Variants in HS6ST2 observed in about 807,000 individuals in gnomAD.
HS6ST2 encodes heparan sulfate 6-O-sulfotransferase 2.
A neutral mutation model predicts 33.0 loss-of-function variants in HS6ST2; 17 were observed. That is an observed-to-expected ratio of 0.52 (90% CI 0.35 to 0.77). The LOEUF (loss-of-function observed/expected upper bound fraction) is 0.77. Among genes scored for constraint, HS6ST2 ranks in the 30% least tolerant of loss-of-function variants. HS6ST2 has a pLI of 0.01. For synonymous variants in HS6ST2, 248 were observed against 237.1 expected, an observed-to-expected ratio of 1.05 and a Z score of -0.42; for missense variants, 519 against 551.7, an observed-to-expected ratio of 0.94 and a Z score of 0.59.
chrX:132,641,779 GCACAGCCTCAGGAGT>G lies in HS6ST2; in HGVS notation c.1068-12701_1068-12687del, dbSNP rs752836177. Among the ~76,000 whole-genome samples the G allele has an allele frequency of 6.1e-3, 692 of 113,177 alleles. 4 individuals carry two copies. Among genetic ancestry groups the G allele is most frequent in the Middle Eastern group, 0.018 (4 of 219 alleles). The stretch of plus-strand genomic sequence containing the variant: ...GCTGTTCATTCTCATTTGTGCCTGA[GCACAGCCTCAGGAGT>G]CACAGGCCAGGAGCACAACTGGCCT... On this transcript the variant is annotated intron_variant, in intron 4 of 4. Transcript: ENST00000370833.
chrX:132,874,421 C>T (rs1458242233), intron 2 of HS6ST2, among the ~76,000 whole-genome samples: 1 of 111,019 alleles, frequency 9.0e-6, no homozygotes, highest in African/African-American at 3.3e-5. Context: ...ACTAAAAATA[C>T]GAAAATTAGC....
At chrX:132,630,147 G>A (rs1277063648) in intron 4 of HS6ST2, among the ~76,000 whole-genome samples, 1 of 112,337 alleles carries the variant, frequency 8.9e-6, no homozygotes, top group Non-Finnish European at 1.9e-5. Context: ...CTTTTCATGA[G>A]AAATGGGTTA....
chrX:132,632,752 G>T (rs1222896871), intron 4 of HS6ST2, among the ~76,000 whole-genome samples: 1 of 110,436 alleles, frequency 9.1e-6, no homozygotes, highest in African/African-American at 3.3e-5. Flanking sequence ...ATAAGACAAG[G>T]GTTTCTGCAG....
intron 3 of HS6ST2, among the ~76,000 whole-genome samples, chrX:132,682,456 G>A (rs2063979272): frequency 9.0e-6 from 1 of 111,613 alleles, no homozygotes; most frequent in South Asian, 3.8e-4. Flanking sequence ...GAACAAGATA[G>A]TATTTATCTC....
At chrX:132,897,005 A>G (rs2066382575) in intron 2 of HS6ST2, among the ~76,000 whole-genome samples, 1 of 111,943 alleles carries the variant, frequency 8.9e-6, no homozygotes, top group African/African-American at 3.2e-5. Context: ...ATCCATCAGG[A>G]AAGACTAACT....
chrX:132,742,640 G>A (rs1190592662), intron 2 of HS6ST2, among the ~76,000 whole-genome samples: 1 of 112,295 alleles, frequency 8.9e-6, no homozygotes, highest in Non-Finnish European at 1.9e-5. Flanking sequence ...TGCAATACAG[G>A]TTTTTTGTGT....
chrX:132,875,402 T>C (rs1166340354), intron 2 of HS6ST2, among the ~76,000 whole-genome samples: 1 of 111,351 alleles, frequency 9.0e-6, no homozygotes, highest in Non-Finnish European at 1.9e-5. Flanking sequence ...CTTTGGTATC[T>C]GTATGCCCAG....
chrX:132,924,810 C>T (rs755708289), intron 2 of HS6ST2, among the ~76,000 whole-genome samples: 2 of 111,743 alleles, frequency 1.8e-5, no homozygotes, highest in Admixed American at 9.5e-5. Flanking sequence ...GGCAACATGG[C>T]GAAATGCCGC....
chrX:132,723,209 T>C (rs948156791), intron 2 of HS6ST2, among the ~76,000 whole-genome samples: 1 of 111,546 alleles, frequency 9.0e-6, no homozygotes, highest in African/African-American at 3.3e-5. Context: ...AGAAAAGCCC[T>C]GGACCTCATG....
At chrX:132,639,522 T>A (rs1241804742) in intron 4 of HS6ST2, among the ~76,000 whole-genome samples, 2 of 111,732 alleles carry the variant, frequency 1.8e-5, no homozygotes, top group East Asian at 5.6e-4. Flanking sequence ...AGGGATATGA[T>A]CTGCCCAAGT....
intron 2 of HS6ST2, among the ~76,000 whole-genome samples, chrX:132,873,135 G>A (rs1270120049): frequency 9.0e-6 from 1 of 111,623 alleles, no homozygotes; most frequent in Admixed American, 9.5e-5. Context: ...TTTTGCGATG[G>A]GGTGCTCAAT....
chrX:132,731,779 G>A (rs1437476274), intron 2 of HS6ST2, among the ~76,000 whole-genome samples: 9 of 110,933 alleles, frequency 8.1e-5, no homozygotes, highest in African/African-American at 9.9e-5. Flanking sequence ...CCTGGGAGGC[G>A]GAGCTTGCAG....
At chrX:132,808,655 T>C (rs2065310333) in intron 2 of HS6ST2, 1 of 112,368 alleles carries the variant, frequency 8.9e-6, no homozygotes, top group African/African-American at 3.2e-5. Context: ...GGCATGAGTT[T>C]AAATTCAGGT....
rs754429261 is a variant in HS6ST2 at position 132,926,397 on chromosome X, AG to A, written c.947+30410del. On this transcript the variant is annotated intron_variant, in intron 2 of 4. Coordinates refer to ENST00000370833, the MANE Select transcript of HS6ST2 (RefSeq NM_001394073.1). ...AGGGCCTTGAAGCTGGGCTGAGGTA[AG>A]TAGGGCCTTCTCACCATTCTGCATG... is the stretch of plus-strand genomic sequence containing the variant. 2.7e-5 allele frequency among the ~76,000 whole-genome samples: 3 copies of A among 111,502 alleles called. No individual in the cohort carries two copies. The East Asian group carries it at 8.6e-4, about 32-fold the overall frequency.
intron 2 of HS6ST2, among the ~76,000 whole-genome samples, chrX:132,812,484 T>C (rs1395412691): frequency 9.4e-6 from 1 of 106,038 alleles, no homozygotes; most frequent in African/African-American, 3.4e-5. Context: ...GGGTGTGAAG[T>C]GGTATTTCAG....
At chrX:132,647,309 C>T (rs975109006) in intron 4 of HS6ST2, among the ~76,000 whole-genome samples, 1 of 110,994 alleles carries the variant, frequency 9.0e-6, no homozygotes, top group Non-Finnish European at 1.9e-5. Flanking sequence ...CCTTTCTCCC[C>T]CTCTATCTTC....
chrX:132,736,761 A>G (rs774262131), intron 2 of HS6ST2, among the ~76,000 whole-genome samples: 1 of 112,176 alleles, frequency 8.9e-6, no homozygotes, highest in East Asian at 2.8e-4. Flanking sequence ...ATGAATGATC[A>G]AACACACCTA....
intron 2 of HS6ST2, among the ~76,000 whole-genome samples, chrX:132,778,203 C>T (rs2064982970): frequency 8.9e-6 from 1 of 111,753 alleles, no homozygotes; most frequent in Admixed American, 9.5e-5. Flanking sequence ...TATAGTGTAG[C>T]TTCTATAATA....
intron 2 of HS6ST2, among the ~76,000 whole-genome samples, chrX:132,746,600 C>T (rs1283503085): frequency 8.9e-6 from 1 of 112,454 alleles, no homozygotes; most frequent in Non-Finnish European, 1.9e-5. Flanking sequence ...TCCTCATAAT[C>T]AGCCAATCCC....
Sources: allele counts gnomAD v4.1 joint callset (sites outside exome capture counted in the v4.1 genomes callset), GRCh38; gene constraint gnomAD v4.1.1; transcripts MANE v1.5; gene names NCBI Gene and HGNC (gene_info 2026-07-23, HGNC 2026-07-21).